The following SLC49A4 variants were observed in gnomAD, a reference collection of about 807,000 sequenced individuals.
SLC49A4 encodes the protein disrupted in renal cancer protein 2.
Under a neutral mutation model 50.6 loss-of-function variants are expected in SLC49A4, and 36 were observed. That is an observed-to-expected ratio of 0.71 (90% CI 0.55 to 0.94). The LOEUF (loss-of-function observed/expected upper bound fraction) is 0.94, where lower values mean the gene tolerates loss of function less well. Ranked by LOEUF, SLC49A4 falls within the 40% of genes least tolerant of loss-of-function variation. The pLI is 0.00. For missense variants in SLC49A4, 503 were observed against 605.7 expected (o/e 0.83, Z 1.78); for synonymous variants, 248 against 241.2 (o/e 1.03, Z -0.26).
At chr3:122,852,704 C>T (rs1315303748) in intron 5 of SLC49A4, among the ~76,000 whole-genome samples, 1 of 152,072 alleles carries the variant, frequency 6.6e-6, no homozygotes, top group African/African-American at 2.4e-5. Context: ...TTCAGAGTGC[C>T]CAGTTAAAAC....
chr3:122,862,650 T>C (rs1937071257), intron 7 of SLC49A4, among the ~76,000 whole-genome samples: 2 of 152,254 alleles, frequency 1.3e-5, no homozygotes, highest in South Asian at 4.1e-4. Flanking sequence ...TGTGTGATAC[T>C]GTATGTCAAG....
chr3:122,826,843 A>C lies in SLC49A4; in HGVS notation c.481A>C (p.Thr161Pro). The change falls in exon 3 of 9, where the codon ACT becomes CCT. Residue 161 changes from threonine to proline, a missense_variant. By Grantham distance (38) the Thr-to-Pro change is conservative (BLOSUM62 -1). Coordinates refer to ENST00000261038, the MANE Select transcript of SLC49A4 (RefSeq NM_032839.3). The stretch of plus-strand genomic sequence containing the variant: ...GATGTTAAATGGATTGGCAGGTCCA[A>C]CTGTAATGAATGCAGCACCATTTCT... ...GQMLNGLAGP[T>P]VMNAAPFLST... is the part of the protein sequence containing the mutation. 1 of 1,614,162 alleles carries C rather than the reference A, an allele frequency of 6.2e-7. No individual in the cohort carries two copies. Among genetic ancestry groups the C allele is most frequent in the Non-Finnish European group, 8.5e-7 (1 of 1,179,978 alleles).
intron 4 of SLC49A4, among the ~76,000 whole-genome samples, chr3:122,837,808 C>T (rs1421319255): frequency 1.3e-5 from 2 of 152,006 alleles, no homozygotes; most frequent in Non-Finnish European, 2.9e-5. Context: ...TCACAACCTA[C>T]TTATCTGACA....
intron 2 of SLC49A4, among the ~76,000 whole-genome samples, chr3:122,821,337 G>A (rs1374898147): frequency 6.6e-6 from 1 of 152,016 alleles, no homozygotes; most frequent in Non-Finnish European, 1.5e-5. Flanking sequence ...GGCTAGGTAA[G>A]GAGGAAAAAA....
At chr3:122,859,599 C>T (rs1275993147) in intron 6 of SLC49A4, among the ~76,000 whole-genome samples, 1 of 152,122 alleles carries the variant, frequency 6.6e-6, no homozygotes, top group Non-Finnish European at 1.5e-5. Context: ...GTAATACCAG[C>T]ACTTGGAGAG....
intron 3 of SLC49A4, among the ~76,000 whole-genome samples, chr3:122,831,472 A>T (rs941964383): frequency 6.6e-6 from 1 of 152,152 alleles, no homozygotes; most frequent in Admixed American, 6.5e-5. Flanking sequence ...TCCAACATGA[A>T]TGACCCTTGA....
chr3:122,814,558 G>A (rs961085052), intron 2 of SLC49A4, among the ~76,000 whole-genome samples: 1 of 152,084 alleles, frequency 6.6e-6, no homozygotes, highest in African/African-American at 2.4e-5. Context: ...AACATTTATT[G>A]ACAGCATATG....
rs71621693 is a variant in SLC49A4, at chr3:122,824,730, CTT to C, written c.438-2051_438-2050del. Among the ~76,000 whole-genome samples, 40 of 82,900 alleles carry C rather than the reference CTT, an allele frequency of 4.8e-4. 1 individual carries two copies. The highest frequency in any genetic ancestry group is 1.2e-3 in the African/African-American group (28 of 22,420). The allele number at this position is 82,900 out of a possible 152,430, so 54.4% of individuals were successfully genotyped here. On this transcript the variant is annotated intron_variant, in intron 2 of 8. Transcript: ENST00000261038. ...TCCTTTCCTTTCTTTTTTTTTCCTTCTTTTTTTTTTTTTTTTTTTTGAGACAA... is the reference window on the plus strand; with the variant it reads ...TCCTTTCCTTTCTTTTTTTTTCCTTCTTTTTTTTTTTTTTTTTTGAGACAA...
At position 122,796,630 on chromosome 3, in the gene SLC49A4, G is replaced by A. The variant is rs569937475; in HGVS notation, c.343+1095G>A. Among the ~76,000 whole-genome samples, 4 of 152,318 alleles carry A rather than the reference G, an allele frequency of 2.6e-5. No individual in the cohort carries two copies. In the South Asian group the frequency reaches 6.2e-4, roughly 24 times the overall value. ...TCCCTCTGAGGTCTGTTTTATACGG[G>A]CAGTAATCCTATTCACATGGGTTCC... On this transcript the variant is annotated intron_variant, in intron 1 of 8. Transcript: ENST00000261038.
In SLC49A4 at chr3:122,799,845, G is replaced by A. The variant is rs113513828; in HGVS notation, c.343+4310G>A. On this transcript the variant is annotated intron_variant, in intron 1 of 8. Coordinates refer to ENST00000261038, the MANE Select transcript of SLC49A4 (RefSeq NM_032839.3). ...GATGTGGAGCGTGAAGGAAGGAGAC[G>A]AGTCTAAGCTGTTTCTCAACTTTTT... Among the ~76,000 whole-genome samples the A allele has an allele frequency of 3.5e-3, 530 of 152,296 alleles. 5 individuals carry two copies. Among genetic ancestry groups the A allele is most frequent in the African/African-American group, 0.011 (455 of 41,560 alleles).
chr3:122,850,880 T>G (rs1369815379), intron 5 of SLC49A4, among the ~76,000 whole-genome samples: 1 of 152,240 alleles, frequency 6.6e-6, no homozygotes, highest in East Asian at 1.9e-4. Flanking sequence ...ACTATTGGTC[T>G]TTATTTTGTT....
intron 2 of SLC49A4, among the ~76,000 whole-genome samples, chr3:122,824,701 C>G (rs1273481805): frequency 1.4e-5 from 2 of 140,056 alleles, no homozygotes; most frequent in African/African-American, 5.3e-5. Context: ...TTCCTTTCTT[C>G]CTTTCCTTTC....
intron 2 of SLC49A4, among the ~76,000 whole-genome samples, chr3:122,819,604 G>A (rs1393141797): frequency 1.3e-5 from 2 of 152,036 alleles, no homozygotes; most frequent in African/African-American, 2.4e-5. Context: ...ATAGATTTTT[G>A]TGAAAGAAAA....
In SLC49A4 at chr3:122,827,651, A is replaced by G. The variant is rs545380802; in HGVS notation, c.703+586A>G. On this transcript the variant is annotated intron_variant, in intron 3 of 8. Transcript: ENST00000261038. ...ATAGTATAGTCTCCTACGGATTTTC[A>G]TAGATATAGCCCCTCTCTCTATATC... Among the ~76,000 whole-genome samples, 3 of 152,308 alleles carry G rather than the reference A, an allele frequency of 2.0e-5. No homozygotes were observed. The South Asian group carries it at 6.2e-4, about 32-fold the overall frequency.
intron 5 of SLC49A4, among the ~76,000 whole-genome samples, chr3:122,851,184 T>TC (rs1333079885): frequency 6.6e-6 from 1 of 152,244 alleles, no homozygotes; most frequent in African/African-American, 2.4e-5. Flanking sequence ...CAGTTAATAT[T>TC]CATTGACTCG....
chr3:122,852,419 T>C (rs778656846), intron 5 of SLC49A4, among the ~76,000 whole-genome samples: 22 of 152,210 alleles, frequency 1.4e-4, no homozygotes, highest in Non-Finnish European at 3.1e-4. Flanking sequence ...CCCTTGTAGG[T>C]CTATTTATAT....
chr3:122,803,012 G>A (rs535558973), intron 1 of SLC49A4, among the ~76,000 whole-genome samples: 24 of 152,238 alleles, frequency 1.6e-4, no homozygotes, highest in Middle Eastern at 3.4e-3. Context: ...GAGTGAGATG[G>A]AGTGGTGCAA....
chr3:122,828,557 G>T (rs1000719571), intron 3 of SLC49A4, among the ~76,000 whole-genome samples: 5 of 152,190 alleles, frequency 3.3e-5, no homozygotes, highest in Non-Finnish European at 7.3e-5. Flanking sequence ...AGGAAGGCAA[G>T]CCCCACGCAA....
Position 122,856,287 on chromosome 3 carries a change from G to A in SLC49A4, c.943-20G>A. 1 of 1,612,774 alleles carries A rather than the reference G, an allele frequency of 6.2e-7. No individual in the cohort carries two copies. Among genetic ancestry groups the A allele is most frequent in the Non-Finnish European group, 8.5e-7 (1 of 1,179,316 alleles). On this transcript the variant is annotated intron_variant, in intron 5 of 8. Coordinates refer to ENST00000261038, the MANE Select transcript of SLC49A4 (RefSeq NM_032839.3). ...AGTATGATTGTCTTGTATTAAATGT[G>A]TCTGCTTCTTTCTTAACAGGTAGAT...
Sources: allele counts gnomAD v4.1 joint callset (sites outside exome capture counted in the v4.1 genomes callset), GRCh38; gene constraint gnomAD v4.1.1; transcripts MANE v1.5; gene names NCBI Gene and HGNC (gene_info 2026-07-23, HGNC 2026-07-21).